Variants in C4orf50 observed in about 807,000 individuals in gnomAD.
The protein encoded by C4orf50 is uncharacterized protein C4orf50.
In C4orf50, 80 loss-of-function variants were observed where a neutral mutation model predicts 77.2. The observed-to-expected ratio is 1.04, with a 90% CI of 0.87 to 1.25. C4orf50 has a LOEUF of 1.25. Ranked by LOEUF, C4orf50 falls within the 50% of genes most tolerant of loss-of-function variation. C4orf50 has a pLI of 0.00. For missense variants in C4orf50, 1,257 were observed against 1,152.9 expected, an observed-to-expected ratio of 1.09 and a Z score of -1.31; for synonymous variants, 532 against 465.3, an observed-to-expected ratio of 1.14 and a Z score of -1.84.
chr4:5,916,249 GGCC>G lies in C4orf50; in HGVS notation c.*2475-18064_*2475-18062del, dbSNP rs1276316063. Reference sequence around the variant, plus strand: ...CCAACAGCTCCTGGTTACTCTGGGGGGCCCATGCACAGAGAATCATAGTTTCAG... The same window carrying G: ...CCAACAGCTCCTGGTTACTCTGGGGGCATGCACAGAGAATCATAGTTTCAG... On this transcript the variant is annotated intron_variant, in intron 7 of 7. Coordinates refer to the C4orf50 transcript ENST00000324058. The surrounding 1 kb of genome is among the most constrained non-coding windows in gnomAD (Gnocchi z 4.4). 5.3e-5 allele frequency among the ~76,000 whole-genome samples: 8 copies of G among 152,160 alleles called. No individual in the cohort carries two copies. The highest frequency in any genetic ancestry group is 9.7e-5 in the African/African-American group (4 of 41,444).
chr4:5,988,800 G>T, exon 28 of C4orf50: 1 of 1,536,080 alleles, frequency 6.5e-7, no homozygotes, highest in Non-Finnish European at 8.7e-7. Context: ...TTAAGGCCCG[G>T]ATCATGTCTT....
At chr4:5,942,048 A>G (rs6833041) in intron 7 of C4orf50, among the ~76,000 whole-genome samples, 37,369 of 152,132 alleles carry the variant, frequency 0.25, 6,048 homozygotes, top group African/African-American at 0.46. Context: ...CATCTACCAG[A>G]CACTGGAGAA....
At chr4:5,959,511 G>A (rs1719154650) in exon 34 of C4orf50, 10 of 1,614,074 alleles carry the variant, frequency 6.2e-6, no homozygotes, top group Non-Finnish European at 7.6e-6. Flanking sequence ...GACTTGGAGG[G>A]CAGGACAGGG....
At chr4:5,960,529 G>A (rs1719214779) in intron 33 of C4orf50, among the ~76,000 whole-genome samples, 1 of 152,202 alleles carries the variant, frequency 6.6e-6, no homozygotes, top group African/African-American at 2.4e-5. Context: ...AAAGAGGCTG[G>A]ACAGCAGAGG....
Position 5,932,208 on chromosome 4 carries a change from T to A in C4orf50, c.*2474+24693A>T, listed in dbSNP as rs1045535861. On this transcript the variant is annotated intron_variant, in intron 7 of 7. Transcript: ENST00000324058. This position sits in a 1 kb window ranked among gnomAD's most constrained non-coding sequence, Gnocchi z 4.2. ...GGCAGGTGAACCATGCACACAGTTC[T>A]TGGCTGAATGCCCCACAGAGCAGAA... Among the ~76,000 whole-genome samples, 1 of 152,258 alleles carries A rather than the reference T, an allele frequency of 6.6e-6. No homozygotes were observed. Among genetic ancestry groups the A allele is most frequent in the East Asian group, 1.9e-4 (1 of 5,162 alleles).
At chr4:6,001,043 A>C (rs888417033) in intron 25 of C4orf50, among the ~76,000 whole-genome samples, 2 of 152,226 alleles carry the variant, frequency 1.3e-5, no homozygotes, top group African/African-American at 4.8e-5. Flanking sequence ...ATGGATACAC[A>C]CACACAGCCA....
At chr4:5,973,597 ATGCAAGGGACGCG>A in intron 31 of C4orf50, 49 bp downstream of exon 9, 1 of 1,376,828 alleles carries the variant, frequency 7.3e-7, no homozygotes, top group Non-Finnish European at 1.0e-6. Flanking sequence ...AGGCAGGGGC[ATGCAAGGGACGCG>A]CCCACACTCC....
At chr4:6,013,483 G>C (rs970245198) in intron 23 of C4orf50, among the ~76,000 whole-genome samples, 1 of 152,156 alleles carries the variant, frequency 6.6e-6, no homozygotes, top group Non-Finnish European at 1.5e-5. Flanking sequence ...ATTTCACTTT[G>C]GCAGGGTGAA....
intron 26 of C4orf50, among the ~76,000 whole-genome samples, chr4:5,994,009 A>C (rs552825966): frequency 6.6e-6 from 1 of 152,252 alleles, no homozygotes. Context: ...GCTCCTGGCC[A>C]TCATACGGAC....
intron 7 of C4orf50, among the ~76,000 whole-genome samples, chr4:5,931,479 A>T (rs1379581913): frequency 1.3e-5 from 2 of 152,236 alleles, no homozygotes; most frequent in African/African-American, 2.4e-5. Context: ...CAGAAGAGAC[A>T]AAGGAAGTCT....
At chr4:6,001,854 G>A (rs1342176542) in intron 25 of C4orf50, among the ~76,000 whole-genome samples, 1 of 152,204 alleles carries the variant, frequency 6.6e-6, no homozygotes, top group Non-Finnish European at 1.5e-5. Context: ...AGCAAACACC[G>A]GGAAGGCAGA....
intron 7 of C4orf50, among the ~76,000 whole-genome samples, chr4:5,918,519 G>C (rs550044587): frequency 2.5e-4 from 38 of 152,340 alleles, no homozygotes; most frequent in African/African-American, 8.7e-4. Context: ...TGGGCTCCTG[G>C]TCTGGGTCCA....
At chr4:5,980,248 G>C (rs1298160909) in exon 29 of C4orf50, 2 of 1,612,588 alleles carry the variant, frequency 1.2e-6, no homozygotes, top group African/African-American at 1.3e-5. Context: ...TGGTCCCTGA[G>C]CTGGCACTGC....
At chr4:5,925,275 G>A (rs1042396047) in intron 7 of C4orf50, among the ~76,000 whole-genome samples, 3 of 151,948 alleles carry the variant, frequency 2.0e-5, no homozygotes, top group African/African-American at 7.3e-5. Context: ...AAGGAGGTGT[G>A]GTGGGGGGTG....
intron 7 of C4orf50, among the ~76,000 whole-genome samples, chr4:5,913,384 T>C (rs895590845): frequency 6.6e-6 from 1 of 151,766 alleles, no homozygotes; most frequent in Non-Finnish European, 1.5e-5. Context: ...ATGACTATTC[T>C]GGGAACACAT....
At chr4:6,014,005 GTT>G (rs35565123) in intron 23 of C4orf50, among the ~76,000 whole-genome samples, 11 of 97,368 alleles carry the variant, frequency 1.1e-4, no homozygotes, top group Admixed American at 9.7e-4. Flanking sequence ...TAAGTTGTGT[GTT>G]TTTTTTTTTT....
At chr4:5,913,452 T>A (rs563104585) in intron 7 of C4orf50, among the ~76,000 whole-genome samples, 62 of 152,302 alleles carry the variant, frequency 4.1e-4, no homozygotes, top group Admixed American at 3.9e-4. Flanking sequence ...TAGCATATAC[T>A]ATGAAACAGA....
At chr4:5,925,272 T>G in intron 7 of C4orf50, among the ~76,000 whole-genome samples, 1 of 140,168 alleles carries the variant, frequency 7.1e-6, no homozygotes, top group East Asian at 2.2e-4. Flanking sequence ...AGCAAGGAGG[T>G]GTGGTGGGGG....
intron 31 of C4orf50, among the ~76,000 whole-genome samples, chr4:5,968,075 G>T (rs1169321632): frequency 6.6e-6 from 1 of 152,182 alleles, no homozygotes; most frequent in Non-Finnish European, 1.5e-5. Context: ...GATGGGGCAG[G>T]GTCCTGTGTG....
Sources: gnomAD v4.1 joint callset for allele counts (sites outside exome capture counted in the v4.1 genomes callset) on GRCh38, gnomAD v4.1.1 for gene constraint, Gnocchi (gnomAD v3.1) non-coding constraint, MANE v1.5 for transcripts, NCBI Gene and HGNC (gene_info 2026-07-23, HGNC 2026-07-21) for gene names.